The following GRK3 variants were observed in gnomAD, a reference collection of about 807,000 sequenced individuals.
The protein encoded by GRK3 is G protein-coupled receptor kinase 3.
In GRK3, 54 loss-of-function variants were observed where a neutral mutation model predicts 95.7. The observed-to-expected ratio is 0.56, with a 90% CI of 0.45 to 0.71. GRK3 has a LOEUF of 0.71. GRK3 is among the 30% of genes least tolerant of loss of function. The pLI is 0.00. For synonymous variants in GRK3, 281 were observed against 290.8 expected (o/e 0.97, Z 0.34); for missense variants, 649 against 851.2 (o/e 0.76, Z 2.96).
At chr22:25,714,348 G>C in intron 17 of GRK3, 60 bp from the exon 18 acceptor site, 5 of 1,472,570 alleles carry the variant, frequency 3.4e-6, no homozygotes, top group Non-Finnish European at 4.6e-6. Context: ...GTGGCGCCGC[G>C]GACTCTTACC....
chr22:25,590,329 T>C (rs1175196447), intron 1 of GRK3, among the ~76,000 whole-genome samples: 1 of 152,126 alleles, frequency 6.6e-6, no homozygotes, highest in African/African-American at 2.4e-5. Flanking sequence ...TAAAGAATAC[T>C]GTTTTACTTG....
chr22:25,579,683 A>G (rs923864688), intron 1 of GRK3, among the ~76,000 whole-genome samples: 1 of 151,966 alleles, frequency 6.6e-6, no homozygotes, highest in Non-Finnish European at 1.5e-5. Flanking sequence ...CGCGTTAGCC[A>G]GGATGGTCTC....
chr22:25,582,209 G>A (rs1403575989), intron 1 of GRK3, among the ~76,000 whole-genome samples: 4 of 151,924 alleles, frequency 2.6e-5, no homozygotes, highest in African/African-American at 7.3e-5. Flanking sequence ...CCCAGGTAGC[G>A]GAGGTTGCAG....
At chr22:25,592,093 C>A (rs888258531) in intron 1 of GRK3, among the ~76,000 whole-genome samples, 1 of 152,202 alleles carries the variant, frequency 6.6e-6, no homozygotes, top group African/African-American at 2.4e-5. Context: ...CTTCATTTGA[C>A]ATTCCCACTA....
intron 3 of GRK3, chr22:25,647,706 G>T (rs766275052): frequency 3.0e-6 from 4 of 1,339,942 alleles, no homozygotes; most frequent in Non-Finnish European, 4.3e-6. Context: ...GTTATGTAGC[G>T]CCTGCAGATT....
chr22:25,586,132 C>A (rs1487217403), intron 1 of GRK3, among the ~76,000 whole-genome samples: 1 of 152,248 alleles, frequency 6.6e-6, no homozygotes, highest in Non-Finnish European at 1.5e-5. Context: ...GATACTCTTT[C>A]ACTCCTTTGT....
At chr22:25,581,390 A>G (rs1932095311) in intron 1 of GRK3, 1 of 152,208 alleles carries the variant, frequency 6.6e-6, no homozygotes, top group Non-Finnish European at 1.5e-5. Context: ...AAGATGTACT[A>G]TATAATTTCT....
chr22:25,568,430 T>A lies in GRK3; in HGVS notation c.113+3277T>A, dbSNP rs184132021. Among the ~76,000 whole-genome samples the A allele has an allele frequency of 3.4e-3, 514 of 152,366 alleles. 5 individuals are homozygous for A. The highest frequency in any genetic ancestry group is 6.2e-3 in the Non-Finnish European group (421 of 68,034). ...GAGTCTTATTTCTATTTACTGGACA[T>A]TTCAAATGTTGGATCACCTATTGCA... On this transcript the variant is annotated intron_variant, in intron 1 of 20. Coordinates refer to ENST00000324198, the MANE Select transcript of GRK3 (RefSeq NM_005160.4).
chr22:25,647,456 T>A (rs1334549807), intron 3 of GRK3: 20 of 1,321,912 alleles, frequency 1.5e-5, no homozygotes, highest in Non-Finnish European at 2.2e-5. Flanking sequence ...TGGAGGATCC[T>A]CAGGGGTAAC....
At chr22:25,626,887 T>G (rs1483196185) in intron 2 of GRK3, among the ~76,000 whole-genome samples, 1 of 152,214 alleles carries the variant, frequency 6.6e-6, no homozygotes, top group Non-Finnish European at 1.5e-5. Context: ...CTTTTGAGTC[T>G]TGAAGGCTTT....
intron 6 of GRK3, among the ~76,000 whole-genome samples, chr22:25,671,262 C>T (rs890568875): frequency 1.3e-5 from 2 of 152,132 alleles, no homozygotes; most frequent in Admixed American, 6.5e-5. Flanking sequence ...ATGGCGTGAA[C>T]CCGGGAGGCG....
At chr22:25,567,965 T>C (rs1931550628) in intron 1 of GRK3, among the ~76,000 whole-genome samples, 1 of 152,344 alleles carries the variant, frequency 6.6e-6, no homozygotes, top group African/African-American at 2.4e-5. Context: ...TTTTGTTATG[T>C]TGACACTTTA....
At chr22:25,600,147 G>GTTT (rs797013361) in intron 1 of GRK3, among the ~76,000 whole-genome samples, 6 of 137,062 alleles carry the variant, frequency 4.4e-5, no homozygotes, top group African/African-American at 1.3e-4. Flanking sequence ...TATCTGCAGG[G>GTTT]TTTTTTTTTT....
At chr22:25,626,404 G>A (rs1436475312) in intron 2 of GRK3, among the ~76,000 whole-genome samples, 1 of 152,184 alleles carries the variant, frequency 6.6e-6, no homozygotes, top group East Asian at 1.9e-4. Flanking sequence ...TAGCAGCTGT[G>A]TCCACTGCCC....
At chr22:25,711,922 G>A (rs1391085747) in intron 17 of GRK3, among the ~76,000 whole-genome samples, 2 of 152,212 alleles carry the variant, frequency 1.3e-5, no homozygotes, top group Admixed American at 1.3e-4. Flanking sequence ...ACACACACCT[G>A]TGAGGTGTAA....
At chr22:25,608,491 T>C (rs1420363117) in intron 2 of GRK3, among the ~76,000 whole-genome samples, 1 of 152,196 alleles carries the variant, frequency 6.6e-6, no homozygotes, top group East Asian at 1.9e-4. Context: ...TCTACTCACA[T>C]GTGCTCTTTA....
At chr22:25,699,792 G>A (rs567378220) in intron 13 of GRK3, among the ~76,000 whole-genome samples, 5 of 149,518 alleles carry the variant, frequency 3.3e-5, no homozygotes, top group Admixed American at 1.3e-4. Flanking sequence ...TCTGCCTCAC[G>A]GATTCACGCC....
intron 2 of GRK3, among the ~76,000 whole-genome samples, chr22:25,640,785 TAATC>T (rs138460812): frequency 0.049 from 7,495 of 152,274 alleles, 184 homozygotes; most frequent in Middle Eastern, 0.058. Context: ...ACTAAAAAGT[TAATC>T]AATATTCAGC....
chr22:25,570,440 C>G (rs919823095), intron 1 of GRK3, among the ~76,000 whole-genome samples: 6 of 152,134 alleles, frequency 3.9e-5, no homozygotes, highest in African/African-American at 1.4e-4. Flanking sequence ...ATTTTCATTT[C>G]TGGGAAAAGA....
Sources: gnomAD v4.1 joint callset for allele counts (sites outside exome capture counted in the v4.1 genomes callset) on GRCh38, gnomAD v4.1.1 for gene constraint, MANE v1.5 for transcripts, NCBI Gene and HGNC (gene_info 2026-07-23, HGNC 2026-07-21) for gene names.